Variants in SH3KBP1 observed in about 807,000 individuals in gnomAD.
SH3KBP1 encodes the protein SH3 domain-containing kinase-binding protein 1.
In SH3KBP1, 8 loss-of-function variants were observed where a neutral mutation model predicts 50.1. That is an observed-to-expected ratio of 0.16 (90% CI 0.09 to 0.29). The LOEUF is 0.29. SH3KBP1 is among the 10% of genes least tolerant of loss of function. The pLI is 1.00. For missense variants in SH3KBP1, 377 were observed against 535.2 expected, an observed-to-expected ratio of 0.70 and a Z score of 2.92; for synonymous variants, 227 against 218.6, an observed-to-expected ratio of 1.04 and a Z score of -0.34.
At chrX:19,695,066 A>C in intron 5 of SH3KBP1, 1 of 1,184,624 alleles carries the variant, frequency 8.4e-7, no homozygotes, top group Non-Finnish European at 1.1e-6. Flanking sequence ...AGAAAGAAAG[A>C]CCTGAAGTTC....
At chrX:19,829,026 A>G (rs2067779453) in intron 2 of SH3KBP1, among the ~76,000 whole-genome samples, 1 of 111,582 alleles carries the variant, frequency 9.0e-6, no homozygotes, top group South Asian at 3.7e-4. Context: ...TTACACAGAG[A>G]AAAATCTACA....
intron 1 of SH3KBP1, among the ~76,000 whole-genome samples, chrX:19,856,654 C>A (rs1196011900): frequency 1.8e-5 from 2 of 111,112 alleles, no homozygotes; most frequent in Non-Finnish European, 3.8e-5. Flanking sequence ...TTCTCCCCAA[C>A]TTCCCCTCCC....
At chrX:19,608,311 T>TTC (rs1417114217) in intron 8 of SH3KBP1, among the ~76,000 whole-genome samples, 1 of 101,502 alleles carries the variant, frequency 9.9e-6, no homozygotes, top group African/African-American at 3.7e-5. Flanking sequence ...TCTTTCTTTT[T>TTC]TTTTTTTTTT....
At chrX:19,770,936 C>T (rs2065772936) in intron 2 of SH3KBP1, among the ~76,000 whole-genome samples, 1 of 111,363 alleles carries the variant, frequency 9.0e-6, no homozygotes, top group African/African-American at 3.3e-5. Context: ...AATATTAGAC[C>T]TTTGTCAGGT....
At chrX:19,773,540 C>A (rs953273236) in intron 2 of SH3KBP1, among the ~76,000 whole-genome samples, 1 of 109,138 alleles carries the variant, frequency 9.2e-6, no homozygotes, top group Non-Finnish European at 1.9e-5. Context: ...CACACACAGA[C>A]ACACACACAC....
intron 2 of SH3KBP1, among the ~76,000 whole-genome samples, chrX:19,824,375 A>G (rs983739710): frequency 2.7e-5 from 3 of 111,837 alleles, no homozygotes; most frequent in Non-Finnish European, 3.8e-5. Context: ...GTACTGCCCT[A>G]TCGGTACCAT....
At chrX:19,802,771 C>A (rs916901275) in intron 2 of SH3KBP1, among the ~76,000 whole-genome samples, 1 of 111,222 alleles carries the variant, frequency 9.0e-6, no homozygotes, top group Non-Finnish European at 1.9e-5. Flanking sequence ...GTACTGGGCA[C>A]GCACCACAAC....
chrX:19,825,772 G>T (rs2067653431), intron 2 of SH3KBP1, among the ~76,000 whole-genome samples: 1 of 111,609 alleles, frequency 9.0e-6, no homozygotes, highest in South Asian at 3.7e-4. Context: ...TACTCCAGAG[G>T]CTGAGGCACG....
chrX:19,881,134 G>A (rs1236117531), intron 1 of SH3KBP1, among the ~76,000 whole-genome samples: 1 of 112,114 alleles, frequency 8.9e-6, no homozygotes, highest in Non-Finnish European at 1.9e-5. Flanking sequence ...CCCCATGAAG[G>A]GAAATACGTG....
chrX:19,887,115 G>T (rs1319883480), intron 1 of SH3KBP1, among the ~76,000 whole-genome samples, 192 bp downstream of exon 1: 1 of 111,326 alleles, frequency 9.0e-6, no homozygotes, highest in Admixed American at 9.3e-5. Flanking sequence ...TCGGCGCCGC[G>T]CGCGGGCTCG....
At chrX:19,699,590 GCAGCTTA>G (rs753019295) in intron 4 of SH3KBP1, among the ~76,000 whole-genome samples, 121 of 112,689 alleles carry the variant, frequency 1.1e-3, no homozygotes, top group African/African-American at 3.6e-3. Flanking sequence ...TGGGAGCAGA[GCAGCTTA>G]CACCTGGTAG....
chrX:19,565,189 G>A (rs1226223981), intron 13 of SH3KBP1, among the ~76,000 whole-genome samples: 1 of 105,276 alleles, frequency 9.5e-6, no homozygotes, highest in Non-Finnish European at 1.9e-5. Flanking sequence ...AGCCTCCCAA[G>A]TAGCTGGGAT....
intron 3 of SH3KBP1, among the ~76,000 whole-genome samples, chrX:19,730,637 G>T (rs1337987126): frequency 3.6e-5 from 4 of 111,769 alleles, no homozygotes; most frequent in African/African-American, 9.8e-5. Context: ...CAAGCTGCAG[G>T]TGGTTAGAGA....
At chrX:19,650,936 G>A (rs2062108004) in intron 6 of SH3KBP1, among the ~76,000 whole-genome samples, 1 of 111,960 alleles carries the variant, frequency 8.9e-6, no homozygotes, top group African/African-American at 3.3e-5. Flanking sequence ...AGTGACAGGA[G>A]GAGGGTCAAA....
At chrX:19,578,681 A>C (rs764247182) in intron 12 of SH3KBP1, among the ~76,000 whole-genome samples, 1 of 112,098 alleles carries the variant, frequency 8.9e-6, no homozygotes, top group Non-Finnish European at 1.9e-5. Flanking sequence ...TTTATGCTCC[A>C]AGAGATGTTT....
Position 19,535,692 on chromosome X carries a change from AT to A in SH3KBP1, c.*724del, listed in dbSNP as rs748682792. On this transcript the variant is annotated 3_prime_UTR_variant, in exon 18 of 18. Coordinates refer to ENST00000397821, the MANE Select transcript of SH3KBP1 (RefSeq NM_031892.3). ...TCTAGTGGACTTGGATAAGTGGCAG[AT>A]TTTTTTTTTTTAATTTTTAATTTTT... is the stretch of plus-strand genomic sequence containing the variant. The A allele has an allele frequency of 8.9e-4, 95 of 106,488 alleles. No individual in the cohort carries two copies. The highest frequency in any genetic ancestry group is 1.8e-3 in the African/African-American group (53 of 29,526). 8.8% of individuals were successfully genotyped at this position (106,488 alleles called of 1,213,427 possible). A position where few individuals can be genotyped will look rare whatever the true frequency, so the allele number is the denominator to read the frequency against.
intron 3 of SH3KBP1, among the ~76,000 whole-genome samples, chrX:19,743,569 C>T (rs142979661): frequency 3.9e-4 from 44 of 112,308 alleles, no homozygotes; most frequent in Non-Finnish European, 4.7e-4. Context: ...CTAAGGTTTC[C>T]ATAGCCCTGG....
chrX:19,746,388 C>T lies in SH3KBP1; in HGVS notation c.216G>A (p.Lys72=). The part of the protein sequence containing the change: ...KDPLTNKAPE[K]PLHEVPSGNS... ...TTCCACTGGGCACTTCGTGCAGGGG[C>T]TTTTCTGGAGCTTTGTTGGTGAGAG... The change falls in exon 3 of 18, where the codon AAG becomes AAA. Residue 72 remains lysine (K), a synonymous_variant. Transcript: ENST00000397821. 8.3e-7 allele frequency: 1 copy of T among 1,205,658 alleles called. No individual in the cohort carries two copies. The highest frequency in any genetic ancestry group is 1.1e-6 in the Non-Finnish European group (1 of 892,591).
At chrX:19,618,385 CAAAAAAAAAAAAA>C (rs1169013925) in intron 8 of SH3KBP1, among the ~76,000 whole-genome samples, 1 of 18,217 alleles carries the variant, frequency 5.5e-5, no homozygotes, top group Admixed American at 6.7e-4. Flanking sequence ...GACTCTGTCT[CAAAAAAAAAAAAA>C]AAAAAAAAAA....
Sources: gnomAD v4.1 joint callset for allele counts (sites outside exome capture counted in the v4.1 genomes callset) on GRCh38, gnomAD v4.1.1 for gene constraint, MANE v1.5 for transcripts, NCBI Gene and HGNC (gene_info 2026-07-23, HGNC 2026-07-21) for gene names.